Variants in CNTNAP2 observed in about 807,000 individuals in gnomAD.
The protein encoded by CNTNAP2 is contactin-associated protein-like 2.
Under a neutral mutation model 155.2 loss-of-function variants are expected in CNTNAP2, and 98 were observed. That is an observed-to-expected ratio of 0.63 (90% CI 0.54 to 0.75). The LOEUF (loss-of-function observed/expected upper bound fraction) is 0.75, where lower values mean the gene tolerates loss of function less well. Among genes scored for constraint, CNTNAP2 ranks in the 30% least tolerant of loss-of-function variants. The probability of loss-of-function intolerance (pLI) is 0.00; values close to 1 mark genes in which losing one functional copy is unlikely to be tolerated. For synonymous variants in CNTNAP2, 651 were observed against 631.2 expected (o/e 1.03, Z -0.47); for missense variants, 1,727 against 1,688.1 (o/e 1.02, Z -0.40).
At chr7:146,562,411 A>G (rs1028871367) in intron 1 of CNTNAP2, among the ~76,000 whole-genome samples, 2 of 152,188 alleles carry the variant, frequency 1.3e-5, no homozygotes, top group African/African-American at 4.8e-5. Context: ...TCAATTTTAA[A>G]TACCAAATAT....
chr7:146,791,786 G>A (rs1054142219), intron 2 of CNTNAP2, among the ~76,000 whole-genome samples: 9 of 152,180 alleles, frequency 5.9e-5, no homozygotes, highest in African/African-American at 1.9e-4. Flanking sequence ...CCTGAAATAC[G>A]TTAATCAGCT....
At chr7:146,242,708 G>A (rs1034874741) in intron 1 of CNTNAP2, among the ~76,000 whole-genome samples, 1 of 151,986 alleles carries the variant, frequency 6.6e-6, no homozygotes, top group African/African-American at 2.4e-5. Flanking sequence ...CCTTATTTTT[G>A]GAGTAAAGTG....
intron 16 of CNTNAP2, among the ~76,000 whole-genome samples, chr7:148,136,135 GAGGAAGGAAAGA>G (rs1265876576): frequency 3.5e-5 from 5 of 143,010 alleles, no homozygotes; most frequent in Non-Finnish European, 6.1e-5. Flanking sequence ...GGGAGGGAGG[GAGGAAGGAAAGA>G]AGGAAGGAAA....
At chr7:147,242,909 TC>T (rs1803970283) in intron 8 of CNTNAP2, among the ~76,000 whole-genome samples, 1 of 151,888 alleles carries the variant, frequency 6.6e-6, no homozygotes, top group Non-Finnish European at 1.5e-5. Context: ...AGGCTACCAT[TC>T]TTATGTACTT....
At chr7:147,863,984 A>C (rs1374602785) in intron 13 of CNTNAP2, among the ~76,000 whole-genome samples, 4 of 152,048 alleles carry the variant, frequency 2.6e-5, no homozygotes, top group African/African-American at 9.7e-5. Context: ...TTGGTGTTTT[A>C]GACATGAAGT....
chr7:146,813,562 T>C (rs974608693), intron 2 of CNTNAP2, among the ~76,000 whole-genome samples: 10 of 152,170 alleles, frequency 6.6e-5, no homozygotes, highest in African/African-American at 2.4e-4. Context: ...AACTAACTTG[T>C]TTTTGATTTT....
At chr7:147,420,626 A>G (rs1797275044) in intron 10 of CNTNAP2, among the ~76,000 whole-genome samples, 2 of 152,334 alleles carry the variant, frequency 1.3e-5, no homozygotes, top group East Asian at 1.9e-4. Flanking sequence ...AGGGTTGCAT[A>G]TTTGAAAGTT....
chr7:146,791,487 G>A (rs1450171394), intron 2 of CNTNAP2, among the ~76,000 whole-genome samples: 1 of 152,156 alleles, frequency 6.6e-6, no homozygotes, highest in South Asian at 2.1e-4. Flanking sequence ...CAAGTGAGAA[G>A]TTTAGGTAGA....
intron 1 of CNTNAP2, among the ~76,000 whole-genome samples, chr7:146,527,991 T>C (rs915871858): frequency 1.3e-5 from 2 of 152,154 alleles, no homozygotes; most frequent in Non-Finnish European, 2.9e-5. Context: ...CTATAGTCAA[T>C]GATAAAATGT....
chr7:147,922,995 C>T (rs1800312070), intron 14 of CNTNAP2, among the ~76,000 whole-genome samples: 1 of 151,640 alleles, frequency 6.6e-6, no homozygotes, highest in African/African-American at 2.4e-5. Flanking sequence ...CTAGACCACA[C>T]CTGAAGAATT....
intron 5 of CNTNAP2, among the ~76,000 whole-genome samples, chr7:147,108,760 C>T (rs1473468013): frequency 6.6e-6 from 1 of 152,098 alleles, no homozygotes; most frequent in East Asian, 1.9e-4. Context: ...TTAATACGTC[C>T]TGTTCAAAGG....
At chr7:148,296,191 A>T (rs149824222) in intron 21 of CNTNAP2, among the ~76,000 whole-genome samples, 1,879 of 152,208 alleles carry the variant, frequency 0.012, 22 homozygotes, top group South Asian at 0.023. Flanking sequence ...GGCACCACTC[A>T]AATGAACAAT....
At chr7:147,368,708 G>A (rs969857833) in intron 9 of CNTNAP2, among the ~76,000 whole-genome samples, 11 of 152,176 alleles carry the variant, frequency 7.2e-5, no homozygotes, top group African/African-American at 2.7e-4. Flanking sequence ...CAAGGGCATT[G>A]TTTGACTTAT....
intron 8 of CNTNAP2, among the ~76,000 whole-genome samples, chr7:147,168,820 T>C (rs1226658782): frequency 2.0e-5 from 3 of 152,136 alleles, no homozygotes; most frequent in Non-Finnish European, 4.4e-5. Flanking sequence ...GAAGTTTAGT[T>C]TATTCCCTTT....
intron 1 of CNTNAP2, among the ~76,000 whole-genome samples, chr7:146,599,530 C>G (rs1312347266): frequency 6.6e-6 from 1 of 151,932 alleles, no homozygotes; most frequent in Non-Finnish European, 1.5e-5. Context: ...ATATATCCAC[C>G]AATCAGGCCA....
chr7:147,113,520 G>T (rs530168787), intron 5 of CNTNAP2, among the ~76,000 whole-genome samples: 1 of 151,958 alleles, frequency 6.6e-6, no homozygotes, highest in Non-Finnish European at 1.5e-5. Context: ...AATCAGGGCC[G>T]AAAGGGAAGC....
intron 1 of CNTNAP2, among the ~76,000 whole-genome samples, chr7:146,134,529 A>G (rs971776412): frequency 1.3e-5 from 2 of 151,606 alleles, no homozygotes; most frequent in Admixed American, 6.6e-5. Flanking sequence ...CCCATTCAGT[A>G]TGATATTGGC....
chr7:146,733,880 G>T (rs1421758133), intron 1 of CNTNAP2, among the ~76,000 whole-genome samples: 1 of 152,086 alleles, frequency 6.6e-6, no homozygotes, highest in Non-Finnish European at 1.5e-5. Flanking sequence ...GAGTTTCATA[G>T]TTCTTTTTCT....
intron 1 of CNTNAP2, among the ~76,000 whole-genome samples, chr7:146,322,665 G>A (rs779576670): frequency 1.2e-4 from 8 of 69,188 alleles, no homozygotes; most frequent in Non-Finnish European, 2.2e-4. Context: ...TGGCTATGAC[G>A]GTAACTGACA....
Sources: gnomAD v4.1 joint callset for allele counts (sites outside exome capture counted in the v4.1 genomes callset) on GRCh38, gnomAD v4.1.1 for gene constraint, MANE v1.5 for transcripts, NCBI Gene and HGNC (gene_info 2026-07-23, HGNC 2026-07-21) for gene names.